OR8J1: variants seen among roughly 807,000 people sequenced by gnomAD.
The protein encoded by OR8J1 is olfactory receptor 8J1.
For synonymous variants in OR8J1, 157 were observed against 144.3 expected (o/e 1.09, Z -0.63); for missense variants, 400 against 373.0 (o/e 1.07, Z -0.60).
At chr11:56,359,491 A>C (rs971758) in intron 1 of OR8J1, among the ~76,000 whole-genome samples, 135,855 of 151,836 alleles carry the variant, frequency 0.89, 60,946 homozygotes, top group African/African-American at 0.94. Context: ...AGGAGCTGTA[A>C]AAACTTGTGA....
Position 56,360,555 on chromosome 11 carries a change from G to T in OR8J1, c.309G>T (p.Gly103=), listed in dbSNP as rs1852621394. 6.2e-7 allele frequency: 1 copy of T among 1,613,890 alleles called. No homozygotes were observed. Among genetic ancestry groups the T allele is most frequent in the African/African-American group, 1.3e-5 (1 of 74,874 alleles). The change falls in exon 2 of 2, where the codon GGG becomes GGT. Residue 103 remains glycine, a synonymous_variant. Coordinates refer to ENST00000533152, the MANE Select transcript of OR8J1 (RefSeq NM_001005205.3). ...SFYECATQLG[G]FLFFIVSEVI... ...ATGAATGTGCCACCCAACTGGGAGG[G>T]TTCTTGTTCTTTATTGTATCGGAGG...
Position 56,361,127 on chromosome 11 carries a change from G to A in OR8J1, c.881G>A (p.Arg294Lys). 1 of 1,484,026 alleles carries A rather than the reference G, an allele frequency of 6.7e-7. No homozygotes were observed. Among genetic ancestry groups the A allele is most frequent in the Non-Finnish European group, 8.9e-7 (1 of 1,124,890 alleles). The allele number at this position is 1,484,026 out of a possible 1,614,324, so 91.9% of individuals were successfully genotyped here. A position where few individuals can be genotyped will look rare whatever the true frequency, so the allele number is the denominator to read the frequency against. The change falls in exon 2 of 2, where the codon AGG becomes AAG. Residue 294 changes from arginine (R) to lysine (K), a missense_variant. By Grantham distance (26) the Arg-to-Lys change is conservative. Transcript: ENST00000533152. ...PMLNPLIYSL[R>K]NKDVKTALQR... is the part of the protein sequence containing the mutation. ...CTGAATCCCTTGATCTACAGCCTGA[G>A]GAATAAGGATGTGAAGACTGCTCTA...
At chr11:56,358,335 C>T (rs1409796602) in intron 1 of OR8J1, 2 of 165,760 alleles carry the variant, frequency 1.2e-5, no homozygotes, top group Admixed American at 1.2e-4. Flanking sequence ...CCTAATTCTT[C>T]CTTATTATAA....
chr11:56,360,672 C>G lies in OR8J1; in HGVS notation c.426C>G (p.Leu142=), dbSNP rs767256105. 30 of 1,611,996 alleles carry G rather than the reference C, an allele frequency of 1.9e-5. No homozygotes were observed. Among genetic ancestry groups the G allele is most frequent in the Non-Finnish European group, 2.4e-5 (28 of 1,179,258 alleles). The part of the protein sequence containing the change: ...YMVVVSRRLC[L]LLVSLTYLYG... ...TGGTGGTGTCTCGGCGGCTCTGCCT[C>G]CTGCTGGTCTCCCTCACATACCTCT... Residue 142 remains leucine, a synonymous_variant, in exon 2 of 2, where the codon CTC becomes CTG. Coordinates refer to ENST00000533152, the MANE Select transcript of OR8J1 (RefSeq NM_001005205.3).
rs201154227 is a variant in OR8J1, at chr11:56,360,935, C to T, written c.689C>T (p.Ser230Leu). ...NIVLSILKIC[S>L]SEGRKKAFST... ...GTTTTGTCTATTTTAAAAATATGTT[C>T]ATCAGAAGGAAGGAAAAAAGCCTTT... Residue 230 changes from serine to leucine, a missense_variant, in exon 2 of 2, where the codon TCA (serine) becomes TTA (leucine). Transcript: ENST00000533152. The T allele has an allele frequency of 1.3e-5, 19 of 1,478,058 alleles. No homozygotes were observed. Among genetic ancestry groups the T allele is most frequent in the Non-Finnish European group, 1.4e-5 (16 of 1,117,356 alleles). 91.6% of individuals were successfully genotyped at this position (1,478,058 alleles called of 1,614,324 possible).
Position 56,360,456 on chromosome 11 carries a change from T to A in OR8J1, c.210T>A (p.Asn70Lys). 4 of 1,614,138 alleles carry A rather than the reference T, an allele frequency of 2.5e-6. No individual in the cohort carries two copies. Among genetic ancestry groups the A allele is most frequent in the Non-Finnish European group, 3.4e-6 (4 of 1,180,018 alleles). The change falls in exon 2 of 2, where the codon AAT (asparagine) becomes AAA (lysine). Residue 70 changes from asparagine (N) to lysine (K), a missense_variant. Asn to Lys is a moderately conservative substitution (Grantham distance 94, BLOSUM62 0). Transcript: ENST00000533152. ...TCCTGCAACATCTGGCTCTCATTAA[T>A]CTTGGTAACTCTACTGTCATTGCCC... is the stretch of plus-strand genomic sequence containing the variant. ...YFFLQHLALI[N>K]LGNSTVIAPK...
rs10896290 is a variant in OR8J1, at chr11:56,360,605, A to G, written c.359A>G (p.Tyr120Cys). 0.31 allele frequency: 506,281 copies of G among 1,613,296 alleles called. 82,162 individuals carry two copies. The highest frequency in any genetic ancestry group is 0.34 in the Non-Finnish European group (399,134 of 1,179,734). ...SEVIMLALMA[Y>C]DRYVAICNPL... is the part of the protein sequence containing the mutation. ...GTAATCATGCTGGCTTTGATGGCCT[A>G]TGACCGCTATGTGGCTATTTGTAAC... The change falls in exon 2 of 2, where the codon TAT becomes TGT. Residue 120 changes from tyrosine (Y) to cysteine (C), a missense_variant. Coordinates refer to ENST00000533152, the MANE Select transcript of OR8J1 (RefSeq NM_001005205.3).
intron 1 of OR8J1, chr11:56,357,326 AGTTT>A: frequency 1.7e-6 from 1 of 598,364 alleles, no homozygotes; most frequent in South Asian, 1.9e-5. Flanking sequence ...AGCAGGACGG[AGTTT>A]GTTAAAGTTG....
chr11:56,356,423 C>T (rs1032847029), intron 1 of OR8J1, among the ~76,000 whole-genome samples: 1 of 152,232 alleles, frequency 6.6e-6, no homozygotes, highest in African/African-American at 2.4e-5. Context: ...AACAGAGTAT[C>T]TGATACAATC....
chr11:56,358,211 C>T (rs1852584615), intron 1 of OR8J1: 1 of 283,828 alleles, frequency 3.5e-6, no homozygotes, highest in Non-Finnish European at 6.8e-6. Flanking sequence ...GAGCAGGATG[C>T]TGAAAGCTAA....
At chr11:56,357,280 A>G (rs1284890466) in intron 1 of OR8J1, 2 of 435,810 alleles carry the variant, frequency 4.6e-6, no homozygotes, top group Admixed American at 3.4e-5. Context: ...CAAGGCCTGC[A>G]GGTCTCTGTC....
At position 56,360,837 on chromosome 11, in the gene OR8J1, A is replaced by C. The variant is rs771485924; in HGVS notation, c.591A>C (p.Thr197=). The change falls in exon 2 of 2, where the codon ACA becomes ACC. Residue 197 remains threonine, a synonymous_variant. Coordinates refer to ENST00000533152, the MANE Select transcript of OR8J1 (RefSeq NM_001005205.3). The stretch of plus-strand genomic sequence containing the variant: ...GCTCTGATACTTACTTACCAGAAAC[A>C]GTTGTCTTTATATCTGCAGCAACAA... The part of the protein sequence containing the change: ...LSCSDTYLPE[T]VVFISAATNV... 1.5e-5 allele frequency: 23 copies of C among 1,523,310 alleles called. No homozygotes were observed. The highest frequency in any genetic ancestry group is 1.9e-5 in the Non-Finnish European group (22 of 1,142,048). 94.4% of individuals were successfully genotyped at this position (1,523,310 alleles called of 1,614,324 possible).
intron 1 of OR8J1, chr11:56,358,137 A>G (rs1852583745): frequency 2.3e-6 from 1 of 429,896 alleles, no homozygotes; most frequent in South Asian, 3.1e-5. Context: ...ACCATCCCAG[A>G]ATGTCCCTTG....
chr11:56,357,430 T>G, intron 1 of OR8J1: 1 of 888,968 alleles, frequency 1.1e-6, no homozygotes, highest in Non-Finnish European at 1.9e-6. Flanking sequence ...CGGAAACGCT[T>G]GGTGATACAG....
At chr11:56,355,421 A>G (rs1854955724) in intron 1 of OR8J1, among the ~76,000 whole-genome samples, 1 of 151,978 alleles carries the variant, frequency 6.6e-6, no homozygotes, top group South Asian at 2.1e-4. Flanking sequence ...GCATTACCTG[A>G]GGTCAGGAAT....
In OR8J1 at chr11:56,360,681, C is replaced by G. The variant is rs762097522; in HGVS notation, c.435C>G (p.Val145=). The change falls in exon 2 of 2, where the codon GTC becomes GTG. Residue 145 remains valine (V), a synonymous_variant. Coordinates refer to ENST00000533152, the MANE Select transcript of OR8J1 (RefSeq NM_001005205.3). ...VVSRRLCLLL[V]SLTYLYGFST... is the part of the protein sequence containing the mutation. ...CTCGGCGGCTCTGCCTCCTGCTGGT[C>G]TCCCTCACATACCTCTATGGCTTTT... 19 of 1,612,228 alleles carry G rather than the reference C, an allele frequency of 1.2e-5. No homozygotes were observed. In the East Asian group the frequency reaches 1.3e-4, roughly 11 times the overall value.
chr11:56,359,728 T>C (rs1167446903), intron 1 of OR8J1, among the ~76,000 whole-genome samples: 1 of 152,248 alleles, frequency 6.6e-6, no homozygotes, highest in East Asian at 1.9e-4. Context: ...TGGTAAAATG[T>C]ATGAGTTAAA....
chr11:56,361,491 A>G lies in OR8J1; in HGVS notation c.*294A>G, dbSNP rs1852638018. 2 of 276,212 alleles carry G rather than the reference A, an allele frequency of 7.2e-6. No individual in the cohort carries two copies. Among genetic ancestry groups the G allele is most frequent in the Non-Finnish European group, 1.3e-5 (2 of 150,042 alleles). The allele number at this position is 276,212 out of a possible 1,614,324, so 17.1% of individuals were successfully genotyped here. ...GCAGTTAGAAAAAAAAATTAAAAAA[A>G]GTTAAATAAGTTTGAATGAGGCAAA... On this transcript the variant is annotated 3_prime_UTR_variant, in exon 2 of 2. Coordinates refer to ENST00000533152, the MANE Select transcript of OR8J1 (RefSeq NM_001005205.3).
chr11:56,359,950 G>A (rs976182936), intron 1 of OR8J1, among the ~76,000 whole-genome samples: 10 of 152,118 alleles, frequency 6.6e-5, no homozygotes, highest in Admixed American at 2.0e-4. Context: ...AACTAAGAAT[G>A]TACTCATAAT....
Sources: allele counts gnomAD v4.1 joint callset (sites outside exome capture counted in the v4.1 genomes callset), GRCh38; gene constraint gnomAD v4.1.1; transcripts MANE v1.5; gene names NCBI Gene and HGNC (gene_info 2026-07-23, HGNC 2026-07-21).